OLFM3: variants seen among roughly 807,000 people sequenced by gnomAD.
The protein encoded by OLFM3 is noelin-3.
In OLFM3, 20 loss-of-function variants were observed where a neutral mutation model predicts 48.6. The observed-to-expected ratio is 0.41, with a 90% CI of 0.29 to 0.60. The LOEUF is 0.60. OLFM3 is among the 20% of genes least tolerant of loss of function. OLFM3 has a pLI of 0.28. For synonymous variants in OLFM3, 222 were observed against 198.1 expected (o/e 1.12, Z -1.01); for missense variants, 437 against 544.3 (o/e 0.80, Z 1.96).
chr1:101,951,253 A>T (rs1385110268), intron 1 of OLFM3, among the ~76,000 whole-genome samples: 1 of 152,228 alleles, frequency 6.6e-6, no homozygotes, highest in Non-Finnish European at 1.5e-5. Flanking sequence ...TTGAATTAGT[A>T]ATTGTGAATG....
In OLFM3 at chr1:101,995,475, C is replaced by T. The variant is rs900080145; in HGVS notation, c.69+1273G>A. 2.7e-4 allele frequency among the ~76,000 whole-genome samples: 41 copies of T among 152,080 alleles called. 1 individual carries two copies. Among genetic ancestry groups the T allele is most frequent in the Non-Finnish European group, 8.8e-5 (6 of 67,954 alleles). Reference sequence around the variant, plus strand: ...ACATTCACACAGAGTGAAGCGTTTACATCAATAATACCAGTACAATCAAAG... The same window carrying T: ...ACATTCACACAGAGTGAAGCGTTTATATCAATAATACCAGTACAATCAAAG... On this transcript the variant is annotated intron_variant, in intron 1 of 5. Transcript: ENST00000370103.
chr1:101,940,814 T>C (rs1659771914), intron 1 of OLFM3, among the ~76,000 whole-genome samples: 1 of 151,858 alleles, frequency 6.6e-6, no homozygotes, highest in Non-Finnish European at 1.5e-5. Flanking sequence ...ACTATGTAGC[T>C]ATATCCAAAT....
At chr1:101,859,033 T>G (rs1240674990) in intron 1 of OLFM3, among the ~76,000 whole-genome samples, 1 of 152,006 alleles carries the variant, frequency 6.6e-6, no homozygotes, top group African/African-American at 2.4e-5. Context: ...GGTGACAGCA[T>G]GTGAAAACTC....
chr1:101,914,552 T>G (rs1403223495), intron 1 of OLFM3, among the ~76,000 whole-genome samples: 1 of 152,218 alleles, frequency 6.6e-6, no homozygotes, highest in African/African-American at 2.4e-5. Context: ...TTCAATATTA[T>G]TAAATTAGCT....
intron 1 of OLFM3, among the ~76,000 whole-genome samples, chr1:101,925,380 C>T (rs1286486566): frequency 6.6e-6 from 1 of 151,552 alleles, no homozygotes; most frequent in Non-Finnish European, 1.5e-5. Flanking sequence ...CTCTGCACTT[C>T]TAAATTAGAT....
At chr1:101,868,358 A>G (rs1570578004) in intron 1 of OLFM3, among the ~76,000 whole-genome samples, 1 of 152,224 alleles carries the variant, frequency 6.6e-6, no homozygotes, top group East Asian at 1.9e-4. Flanking sequence ...AATGAAGTCC[A>G]GGCTGAGGTG....
At chr1:101,956,387 T>C (rs569836501) in intron 1 of OLFM3, among the ~76,000 whole-genome samples, 32 of 151,966 alleles carry the variant, frequency 2.1e-4, no homozygotes, top group Non-Finnish European at 4.1e-4. Flanking sequence ...AGGTATACCA[T>C]ACTTTCCACT....
intron 1 of OLFM3, among the ~76,000 whole-genome samples, chr1:101,868,488 A>G (rs750408676): frequency 3.3e-5 from 5 of 152,240 alleles, no homozygotes; most frequent in Non-Finnish European, 7.3e-5. Context: ...AACTTGAGAA[A>G]GATAATTTAT....
intron 3 of OLFM3, among the ~76,000 whole-genome samples, chr1:101,825,449 G>A (rs1294550490): frequency 1.3e-5 from 2 of 152,256 alleles, no homozygotes; most frequent in Middle Eastern, 3.4e-3. Flanking sequence ...TTTTCCATAT[G>A]AGAATCTTTC....
In OLFM3 at chr1:101,950,161, A is replaced by G. The variant is rs190967798; in HGVS notation, c.69+46587T>C. Reference sequence around the variant, plus strand: ...AGCTACTTTCTTAATATCATCTCTGATCACTCTCTAATCGCCTAGAAGTAA... The same window carrying G: ...AGCTACTTTCTTAATATCATCTCTGGTCACTCTCTAATCGCCTAGAAGTAA... On this transcript the variant is annotated intron_variant, in intron 1 of 5. Coordinates refer to ENST00000370103, the MANE Select transcript of OLFM3 (RefSeq NM_058170.4). Among the ~76,000 whole-genome samples, 14 of 152,188 alleles carry G rather than the reference A, an allele frequency of 9.2e-5. No homozygotes were observed. The East Asian group carries it at 2.7e-3, about 29-fold the overall frequency.
chr1:101,838,306 G>A (rs998743452), intron 1 of OLFM3, among the ~76,000 whole-genome samples: 5 of 152,272 alleles, frequency 3.3e-5, no homozygotes, highest in Non-Finnish European at 5.9e-5. Context: ...TGATCCAACC[G>A]CCTCGGCCTC....
At chr1:101,892,338 G>A (rs1465094644) in intron 1 of OLFM3, among the ~76,000 whole-genome samples, 4 of 151,966 alleles carry the variant, frequency 2.6e-5, no homozygotes, top group Non-Finnish European at 5.9e-5. Flanking sequence ...AGAGACCCCA[G>A]CAGACAGCCA....
chr1:101,992,458 G>A (rs1466531202), intron 1 of OLFM3, among the ~76,000 whole-genome samples: 1 of 152,104 alleles, frequency 6.6e-6, no homozygotes, highest in East Asian at 1.9e-4. Flanking sequence ...GGGTTTACTG[G>A]TGCATAATTA....
intron 1 of OLFM3, chr1:101,847,019 G>A (rs903264020): frequency 1.3e-6 from 2 of 1,565,964 alleles, no homozygotes; most frequent in Admixed American, 1.7e-5. Flanking sequence ...TAAGATCCCG[G>A]TGCCGGGCTG....
At chr1:101,927,037 G>A (rs1659293677) in intron 1 of OLFM3, among the ~76,000 whole-genome samples, 1 of 152,108 alleles carries the variant, frequency 6.6e-6, no homozygotes, top group Non-Finnish European at 1.5e-5. Context: ...GCATTTGAGA[G>A]CCATGCTTAG....
At chr1:101,872,636 G>A (rs757707611) in intron 1 of OLFM3, among the ~76,000 whole-genome samples, 2 of 151,968 alleles carry the variant, frequency 1.3e-5, no homozygotes, top group African/African-American at 2.4e-5. Flanking sequence ...TTCCTCAGAA[G>A]TTAGACTTTC....
intron 1 of OLFM3, among the ~76,000 whole-genome samples, chr1:101,982,732 A>C (rs1010538001): frequency 2.6e-5 from 4 of 152,106 alleles, no homozygotes; most frequent in African/African-American, 7.2e-5. Context: ...CTGCATTCAT[A>C]CTTGAGCTGG....
intron 1 of OLFM3, among the ~76,000 whole-genome samples, chr1:101,892,471 C>T (rs1300673791): frequency 6.6e-6 from 1 of 151,998 alleles, no homozygotes; most frequent in Non-Finnish European, 1.5e-5. Flanking sequence ...ATTCCTTTTA[C>T]AAAAATTAAA....
intron 4 of OLFM3, among the ~76,000 whole-genome samples, chr1:101,813,500 C>T (rs17429262): frequency 0.065 from 9,962 of 152,158 alleles, 445 homozygotes; most frequent in South Asian, 0.17. Flanking sequence ...CATAGCTCAC[C>T]GATTTGTTCC....
Sources: gnomAD v4.1 joint callset for allele counts (sites outside exome capture counted in the v4.1 genomes callset) on GRCh38, gnomAD v4.1.1 for gene constraint, MANE v1.5 for transcripts, NCBI Gene and HGNC (gene_info 2026-07-23, HGNC 2026-07-21) for gene names.